CES1: variants seen among roughly 807,000 people sequenced by gnomAD.
CES1 encodes liver carboxylesterase 1.
A neutral mutation model predicts 53.0 loss-of-function variants in CES1; 50 were observed. That is an observed-to-expected ratio of 0.94 (90% CI 0.75 to 1.19). The LOEUF is 1.19. CES1 is among the 50% of genes most tolerant of loss of function. The pLI is 0.00. For synonymous variants in CES1, 202 were observed against 210.1 expected, an observed-to-expected ratio of 0.96 and a Z score of 0.33; for missense variants, 534 against 538.0, an observed-to-expected ratio of 0.99 and a Z score of 0.07.
rs755560234 is a variant in CES1 at position 55,813,095 on chromosome 16, G to A, written c.946-52C>T. On this transcript the variant is annotated intron_variant, in intron 8 of 13. Transcript: ENST00000360526. The stretch of plus-strand genomic sequence containing the variant: ...TGATTCCCTCCCTAGTCACACCCAT[G>A]TCCCCAACTCTGCCTGTCTGAGGGT... The A allele has an allele frequency of 4.3e-6, 7 of 1,610,792 alleles. No individual in the cohort carries two copies. The African/African-American group carries it at 8.0e-5, about 18-fold the overall frequency.
chr16:55,808,670 A>G (rs1192347131), intron 11 of CES1, among the ~76,000 whole-genome samples: 1 of 152,174 alleles, frequency 6.6e-6, no homozygotes, highest in African/African-American at 2.4e-5. Context: ...ACTTATGAAC[A>G]TTAGGCTGAG....
At chr16:55,821,245 A>G in intron 5 of CES1, 123 bp downstream of exon 5, 1 of 1,298,818 alleles carries the variant, frequency 7.7e-7, no homozygotes, top group Non-Finnish European at 1.1e-6. Flanking sequence ...GGCTGTGAGT[A>G]GGGCCAGTCC....
Position 55,828,856 on chromosome 16 carries a change from G to T in CES1, c.171C>A (p.Ala57=), listed in dbSNP as rs1460949875. ...ACCTCAGGGGTCCAAGAGGCGGCTT[G>T]GCAAAAGGGATTCCCAGGAAAATGG... ...PVAIFLGIPF[A]KPPLGPLRFT... Residue 57 remains alanine (A), a synonymous_variant, in exon 2 of 14, where the codon GCC becomes GCA. Transcript: ENST00000360526. 3.1e-6 allele frequency: 5 copies of T among 1,614,272 alleles called. No individual in the cohort carries two copies. The highest frequency in any genetic ancestry group is 1.3e-5 in the African/African-American group (1 of 75,076).
chr16:55,820,073 G>A, intron 6 of CES1: 1 of 594,436 alleles, frequency 1.7e-6, no homozygotes, highest in East Asian at 2.9e-5. Flanking sequence ...TAGGAGGAGT[G>A]TGGTCACAGA....
At chr16:55,824,635 T>C (rs2032346330) in intron 3 of CES1, among the ~76,000 whole-genome samples, 1 of 152,214 alleles carries the variant, frequency 6.6e-6, no homozygotes, top group Non-Finnish European at 1.5e-5. Context: ...AGTCCACATG[T>C]TGAGCTGCCC....
chr16:55,818,306 G>T lies in CES1; in HGVS notation c.906+1229C>A, dbSNP rs144820727. On this transcript the variant is annotated intron_variant, in intron 7 of 13. Coordinates refer to ENST00000360526, the MANE Select transcript of CES1 (RefSeq NM_001025195.2). Reference sequence around the variant, plus strand: ...CCTAAAGGTCCCCAAGTCCTAATATGTGAGGATGGCAGGGAGCAGGGAAGG... The same window carrying T: ...CCTAAAGGTCCCCAAGTCCTAATATTTGAGGATGGCAGGGAGCAGGGAAGG... 2.4e-3 allele frequency among the ~76,000 whole-genome samples: 366 copies of T among 152,342 alleles called. 4 individuals carry two copies. In the South Asian group the frequency reaches 0.048, roughly 20 times the overall value.
At chr16:55,821,213 A>G (rs150734573) in intron 5 of CES1, among the ~76,000 whole-genome samples, 155 bp downstream of exon 5, 1 of 146,884 alleles carries the variant, frequency 6.8e-6, no homozygotes, top group Non-Finnish European at 1.5e-5. Flanking sequence ...GCTGGTCTTT[A>G]GCTTTCTACC....
chr16:55,810,736 T>C (rs2031652978), intron 10 of CES1, 72 bp from the exon 11 acceptor site: 1 of 1,572,838 alleles, frequency 6.4e-7, no homozygotes, highest in African/African-American at 1.4e-5. Context: ...CAGAAAGTCC[T>C]GCCTCAATGG....
At chr16:55,821,683 A>G (rs2032204931) in intron 4 of CES1, among the ~76,000 whole-genome samples, 162 bp from the exon 5 acceptor site, 1 of 152,208 alleles carries the variant, frequency 6.6e-6, no homozygotes. Flanking sequence ...GTGGTGATGT[A>G]TGGTTCTACA....
At position 55,811,023 on chromosome 16, in the gene CES1, A is replaced by G; in HGVS notation, c.1087-13T>C. On this transcript the variant is annotated splice_polypyrimidine_tract_variant and intron_variant, in intron 9 of 13. Transcript: ENST00000360526. ...AGCTCATCAACTGCTAAAAAAAAAA[A>G]AAAGTTCAGCATTTATGAATCATTG... 1 of 1,602,488 alleles carries G rather than the reference A, an allele frequency of 6.2e-7. No individual in the cohort carries two copies. The highest frequency in any genetic ancestry group is 8.5e-7 in the Non-Finnish European group (1 of 1,170,014).
intron 11 of CES1, among the ~76,000 whole-genome samples, chr16:55,808,906 A>G (rs775562776): frequency 5.3e-5 from 8 of 152,150 alleles, no homozygotes; most frequent in Non-Finnish European, 1.0e-4. Context: ...AGACGAAAAC[A>G]CAAAAAATTT....
At chr16:55,821,330 T>A (rs1567501310) in intron 5 of CES1, 38 bp downstream of exon 5, 1 of 1,613,812 alleles carries the variant, frequency 6.2e-7, no homozygotes, top group Non-Finnish European at 8.5e-7. Context: ...CAGCATCACA[T>A]CAAGCGTGGG....
chr16:55,827,422 A>G (rs2032462364), intron 2 of CES1, among the ~76,000 whole-genome samples: 2 of 152,102 alleles, frequency 1.3e-5, no homozygotes, highest in Non-Finnish European at 2.9e-5. Context: ...TACAATAGCC[A>G]AAAATATTTT....
chr16:55,812,647 C>T (rs1250677662), intron 9 of CES1, among the ~76,000 whole-genome samples: 9 of 152,166 alleles, frequency 5.9e-5, no homozygotes, highest in African/African-American at 1.9e-4. Context: ...TACTGGCCCT[C>T]CCAGCACAGA....
chr16:55,820,152 T>C, intron 6 of CES1: 1 of 576,506 alleles, frequency 1.7e-6, no homozygotes, highest in South Asian at 2.0e-5. Flanking sequence ...CCTGCTGCCC[T>C]TGGCAAATCC....
intron 8 of CES1, among the ~76,000 whole-genome samples, chr16:55,816,638 T>C (rs1342519147): frequency 5.3e-5 from 8 of 152,160 alleles, no homozygotes; most frequent in African/African-American, 1.9e-4. Flanking sequence ...CAGTGCCATT[T>C]TGGGGAGCAG....
At chr16:55,827,023 C>T (rs1226608968) in intron 2 of CES1, among the ~76,000 whole-genome samples, 1 of 152,118 alleles carries the variant, frequency 6.6e-6, no homozygotes, top group Non-Finnish European at 1.5e-5. Flanking sequence ...GGTTAGAGAA[C>T]CTGACCAAGG....
chr16:55,821,274 T>A, intron 5 of CES1, 94 bp downstream of exon 5: 1 of 1,496,808 alleles, frequency 6.7e-7, no homozygotes, highest in South Asian at 1.1e-5. Context: ...GGTATTGTAA[T>A]CAGAGGTATC....
intron 8 of CES1, among the ~76,000 whole-genome samples, chr16:55,814,386 A>G (rs2031839381): frequency 6.6e-6 from 1 of 152,178 alleles, no homozygotes; most frequent in Non-Finnish European, 1.5e-5. Context: ...AGTTGCTACG[A>G]TAGAGCGTGG....
Sources: gnomAD v4.1 joint callset for allele counts (sites outside exome capture counted in the v4.1 genomes callset) on GRCh38, gnomAD v4.1.1 for gene constraint, MANE v1.5 for transcripts, NCBI Gene and HGNC (gene_info 2026-07-23, HGNC 2026-07-21) for gene names.